The following HERC3 variants were observed in gnomAD, a reference collection of about 807,000 sequenced individuals.
HERC3 encodes the protein HECT and RLD domain containing E3 ubiquitin protein ligase 3.
Under a neutral mutation model 129.9 loss-of-function variants are expected in HERC3, and 58 were observed. The ratio of observed to expected loss-of-function variants is 0.45; its 90% CI spans 0.36 to 0.56. The LOEUF is 0.56. Among genes scored for constraint, HERC3 ranks in the 20% least tolerant of loss-of-function variants. The pLI, the probability that HERC3 is intolerant of heterozygous loss-of-function variation, is 0.00. For synonymous variants in HERC3, 430 were observed against 451.0 expected (o/e 0.95, Z 0.59); for missense variants, 835 against 1,244.2 (o/e 0.67, Z 4.95).
intron 19 of HERC3, among the ~76,000 whole-genome samples, chr4:88,679,186 G>A (rs1732488278): frequency 6.6e-6 from 1 of 152,136 alleles, no homozygotes; most frequent in African/African-American, 2.4e-5. Flanking sequence ...TTTAACAGCT[G>A]GCATGTAGTA....
intron 3 of HERC3, among the ~76,000 whole-genome samples, chr4:88,624,130 C>A (rs1725838348): frequency 6.6e-6 from 1 of 152,204 alleles, no homozygotes; most frequent in African/African-American, 2.4e-5. Context: ...TGTTTTATTA[C>A]TGGGTGGTAT....
intron 7 of HERC3, 21 bp downstream of exon 7, chr4:88,654,154 T>C: frequency 6.5e-7 from 1 of 1,545,942 alleles, no homozygotes; most frequent in Non-Finnish European, 8.9e-7. Context: ...CAGAGTATTT[T>C]ACTTTGGTGC....
At chr4:88,628,671 C>A (rs1726401509) in intron 3 of HERC3, among the ~76,000 whole-genome samples, 1 of 152,132 alleles carries the variant, frequency 6.6e-6, no homozygotes. Context: ...GTGGGATTAA[C>A]TATCTTTAGC....
intron 8 of HERC3, 118 bp downstream of exon 8, chr4:88,655,422 A>T: frequency 1.8e-6 from 2 of 1,140,270 alleles, no homozygotes; most frequent in East Asian, 2.4e-5. Flanking sequence ...TCTTAACTGC[A>T]TGCACGCCTA....
Position 88,676,131 on chromosome 4 carries a change from G to A in HERC3, c.1912-87G>A, listed in dbSNP as rs951064636. The A allele has an allele frequency of 2.4e-4, 237 of 997,298 alleles. 5 individuals are homozygous for A. In the Admixed American group the frequency reaches 5.1e-3, roughly 21 times the overall value. The allele number at this position is 997,298 out of a possible 1,614,324, so 61.8% of individuals were successfully genotyped here. Reference sequence around the variant, plus strand: ...TGGCCAGTAGTCAGATTGGTTCTGTGTTTTGTTATTTATATTTTACTTTTG... The same window carrying A: ...TGGCCAGTAGTCAGATTGGTTCTGTATTTTGTTATTTATATTTTACTTTTG... On this transcript the variant is annotated intron_variant, in intron 16 of 25. Coordinates refer to ENST00000402738, the MANE Select transcript of HERC3 (RefSeq NM_014606.3).
At chr4:88,524,291 C>G in the HERC3 span, among the ~76,000 whole-genome samples, 1 of 152,180 alleles carries the variant, frequency 6.6e-6, no homozygotes, top group African/African-American at 2.4e-5. Flanking sequence ...ATAAATTCTT[C>G]CTGCCTGAGA....
At chr4:88,594,975 G>A (rs1329944385) in intron 1 of HERC3, among the ~76,000 whole-genome samples, 1 of 151,582 alleles carries the variant, frequency 6.6e-6, no homozygotes, top group Non-Finnish European at 1.5e-5. Flanking sequence ...GGTGGCGGGC[G>A]CCTGTAATTC....
upstream of HERC3, among the ~76,000 whole-genome samples, chr4:88,590,589 AAAAG>A (rs1018954485): frequency 3.9e-5 from 6 of 152,216 alleles, no homozygotes; most frequent in Non-Finnish European, 7.4e-5. Context: ...CAACAACAAA[AAAAG>A]AAAAACACTT....
intron 14 of HERC3, among the ~76,000 whole-genome samples, chr4:88,669,545 T>C (rs572026760): frequency 6.6e-5 from 10 of 152,304 alleles, no homozygotes; most frequent in African/African-American, 2.4e-4. Context: ...GATTAATACA[T>C]TGGGCATCAC....
intron 2 of HERC3, among the ~76,000 whole-genome samples, chr4:88,597,749 G>A (rs935163914): frequency 6.6e-6 from 1 of 152,184 alleles, no homozygotes; most frequent in Non-Finnish European, 1.5e-5. Flanking sequence ...GGGATGATCC[G>A]GGGAAGGGTA....
chr4:88,592,588 G>A lies in HERC3; in HGVS notation c.-88+14G>A, dbSNP rs1721802543. ...GCTGCTGCCGAGGTGCGCAGGGCGG[G>A]GGCCGGGGTTCCAGGGAGGGGGGTA... On this transcript the variant is annotated intron_variant, in intron 1 of 25. Coordinates refer to ENST00000402738, the MANE Select transcript of HERC3 (RefSeq NM_014606.3). 6.6e-6 allele frequency: 1 copy of A among 152,422 alleles called. No homozygotes were observed. Among genetic ancestry groups the A allele is most frequent in the Non-Finnish European group, 1.5e-5 (1 of 68,200 alleles). 9.4% of individuals were successfully genotyped at this position (152,422 alleles called of 1,614,324 possible).
intron 23 of HERC3, among the ~76,000 whole-genome samples, chr4:88,701,956 C>T (rs1735360016): frequency 6.6e-6 from 1 of 152,028 alleles, no homozygotes; most frequent in African/African-American, 2.4e-5. Context: ...GCATGCACCA[C>T]CAGGCCTGGC....
the HERC3 span, chr4:88,525,039 T>C: frequency 6.6e-6 from 1 of 151,448 alleles, no homozygotes; most frequent in Non-Finnish European, 1.5e-5. Flanking sequence ...AAAAAAACAG[T>C]TTATTTTTTG....
chr4:88,591,380 A>C (rs977993354), upstream of HERC3, among the ~76,000 whole-genome samples: 2 of 152,134 alleles, frequency 1.3e-5, no homozygotes, highest in African/African-American at 2.4e-5. Context: ...CCCAGGATAC[A>C]CCACTCCTTG....
the HERC3 span, chr4:88,523,968 A>C: frequency 1.6e-5 from 7 of 444,330 alleles, no homozygotes; most frequent in East Asian, 4.0e-5. Context: ...CTACAAACTA[A>C]ACCAGTGTTT....
Position 88,592,495 on chromosome 4 carries a change from C to G in HERC3, c.-167C>G, listed in dbSNP as rs1264062027. The stretch of plus-strand genomic sequence containing the variant: ...GGGAAACTTCCTTATTATTGTGACG[C>G]CGAAAACGGAGAAACCCCGGGTCCG... On this transcript the variant is annotated 5_prime_UTR_variant, in exon 1 of 26. Transcript: ENST00000402738. 1 of 152,330 alleles carries G rather than the reference C, an allele frequency of 6.6e-6. No individual in the cohort carries two copies. Among genetic ancestry groups the G allele is most frequent in the African/African-American group, 2.4e-5 (1 of 41,460 alleles). 9.4% of individuals were successfully genotyped at this position (152,330 alleles called of 1,614,324 possible).
At chr4:88,692,954 A>G in intron 23 of HERC3, 1 of 984,838 alleles carries the variant, frequency 1.0e-6, no homozygotes, top group Non-Finnish European at 1.2e-6. Context: ...CTGACTAGGT[A>G]ATGTTTTCAA....
intron 3 of HERC3, among the ~76,000 whole-genome samples, chr4:88,636,401 G>A (rs957476010): frequency 6.6e-6 from 1 of 152,052 alleles, no homozygotes; most frequent in East Asian, 1.9e-4. Context: ...AAAGACAAAG[G>A]GCATTACGTA....
At chr4:88,668,154 G>A (rs1366772617) in intron 14 of HERC3, 73 bp downstream of exon 14, 3 of 1,151,978 alleles carry the variant, frequency 2.6e-6, no homozygotes, top group Admixed American at 2.1e-5. Context: ...GGCTCTCAGT[G>A]GATTGAGATC....
Sources: allele counts gnomAD v4.1 joint callset (sites outside exome capture counted in the v4.1 genomes callset), GRCh38; gene constraint gnomAD v4.1.1; transcripts MANE v1.5; gene names NCBI Gene and HGNC (gene_info 2026-07-23, HGNC 2026-07-21).